The following HAPLN1 variants were observed in gnomAD, a reference collection of about 807,000 sequenced individuals.
HAPLN1 encodes the protein hyaluronan and proteoglycan link protein 1, also known as Cartilage link protein.
Under a neutral mutation model 36.5 loss-of-function variants are expected in HAPLN1, and 13 were observed. That is an observed-to-expected ratio of 0.36 (90% CI 0.23 to 0.57). The LOEUF is 0.57. HAPLN1 is among the 20% of genes least tolerant of loss of function. The pLI is 0.83. For synonymous variants in HAPLN1, 202 were observed against 169.8 expected, an observed-to-expected ratio of 1.19 and a Z score of -1.48; for missense variants, 407 against 439.7, an observed-to-expected ratio of 0.93 and a Z score of 0.66.
rs137967710 is a variant in HAPLN1 at position 83,669,644 on chromosome 5, C to T, written c.100+3780G>A. Among the ~76,000 whole-genome samples, 640 of 152,220 alleles carry T rather than the reference C, an allele frequency of 4.2e-3. 8 individuals carry two copies. The highest frequency in any genetic ancestry group is 0.015 in the African/African-American group (612 of 41,538). On this transcript the variant is annotated intron_variant, in intron 2 of 4. Transcript: ENST00000274341. ...ATGATATGTTCTGTTAACAAATGTACTTTGAAAAGCATGAATTTTTTTGAC... is the reference window on the plus strand; with the variant it reads ...ATGATATGTTCTGTTAACAAATGTATTTTGAAAAGCATGAATTTTTTTGAC...
Position 83,640,104 on chromosome 5 carries a change from G to A in HAPLN1, c.*1392C>T, listed in dbSNP as rs1749637405. 1 of 152,096 alleles carries A rather than the reference G, an allele frequency of 6.6e-6. No individual in the cohort carries two copies. Among genetic ancestry groups the A allele is most frequent in the South Asian group, 2.1e-4 (1 of 4,826 alleles). 9.4% of individuals were successfully genotyped at this position (152,096 alleles called of 1,614,324 possible). A position where few individuals can be genotyped will look rare whatever the true frequency, so the allele number is the denominator to read the frequency against. ...TTATTATAGTAAATCCCATTTATTA[G>A]AACTCATTGTGAAACAATGGGAAAC... On this transcript the variant is annotated 3_prime_UTR_variant, in exon 5 of 5. Transcript: ENST00000274341.
At position 83,644,530 on chromosome 5, in the gene HAPLN1, TCCAGCCCGCCCCG is replaced by T; in HGVS notation, c.595_607del (p.Arg199ThrfsTer62). ...ACTGAGCCAGCCGGCATTGCACCAG[TCCAGCCCGCCCCG>T]CCAGGCGTCGTACAGCTGGTCGAAG... On this transcript the variant is annotated frameshift_variant, in exon 4 of 5. Coordinates refer to ENST00000274341, the MANE Select transcript of HAPLN1 (RefSeq NM_001884.4). LOFTEE classifies it high-confidence loss of function. 6.2e-7 allele frequency: 1 copy of T among 1,611,362 alleles called. No individual in the cohort carries two copies. Among genetic ancestry groups the T allele is most frequent in the Non-Finnish European group, 8.5e-7 (1 of 1,178,750 alleles).
intron 1 of HAPLN1, among the ~76,000 whole-genome samples, chr5:83,702,988 A>G (rs1379227635): frequency 3.9e-5 from 6 of 152,222 alleles, no homozygotes. Flanking sequence ...CTGGGATTGC[A>G]GGTGTGAACC....
chr5:83,660,694 C>T (rs948057562), intron 2 of HAPLN1, among the ~76,000 whole-genome samples: 10 of 152,024 alleles, frequency 6.6e-5, no homozygotes, highest in Non-Finnish European at 1.2e-4. Flanking sequence ...TTGTTTGTGG[C>T]TTCTGCCTTT....
Position 83,652,805 on chromosome 5 carries a change from T to C in HAPLN1, c.120A>G (p.Leu40=). ...IHIQAENGPH[L]LVEAEQAKVF... ...CCTTGGCTTGCTCTGCTTCCACAAG[T>C]AGATGGGGGCCATTTTCTGCTATAA... Residue 40 remains leucine (L), a synonymous_variant, in exon 3 of 5, where the codon CTA becomes CTG. Coordinates refer to ENST00000274341, the MANE Select transcript of HAPLN1 (RefSeq NM_001884.4). 2 of 1,586,322 alleles carry C rather than the reference T, an allele frequency of 1.3e-6. No individual in the cohort carries two copies. The highest frequency in any genetic ancestry group is 1.7e-6 in the Non-Finnish European group (2 of 1,162,732).
At position 83,641,618 on chromosome 5, in the gene HAPLN1, G is replaced by C; in HGVS notation, c.943C>G (p.Arg315Gly). The change falls in exon 5 of 5, where the codon CGC becomes GGC. Residue 315 changes from arginine to glycine, a missense_variant. Physicochemically the swap from Arg to Gly is moderately radical, Grantham distance 125 (BLOSUM62 -2). Transcript: ENST00000274341. The part of the protein sequence containing the change: ...DAGWLADGSV[R>G]YPISRPRRRC... ...CTTCTTGGCCTAGAGATGGGGTAGC[G>C]GACGCTGCCATCCGCCAACCAGCCC... 1.2e-6 allele frequency: 2 copies of C among 1,614,154 alleles called. No homozygotes were observed. Among genetic ancestry groups the C allele is most frequent in the Non-Finnish European group, 1.7e-6 (2 of 1,180,038 alleles).
intron 1 of HAPLN1, among the ~76,000 whole-genome samples, chr5:83,706,793 C>A (rs1347314411): frequency 6.6e-6 from 1 of 152,204 alleles, no homozygotes; most frequent in Admixed American, 6.5e-5. Context: ...GTCAAATTAT[C>A]TCTGTTTGCA....
At chr5:83,693,700 A>G (rs1359886144) in intron 1 of HAPLN1, among the ~76,000 whole-genome samples, 3 of 152,062 alleles carry the variant, frequency 2.0e-5, no homozygotes, top group East Asian at 1.9e-4. Context: ...CAGACAAAAT[A>G]GATTTCAGGA....
At chr5:83,680,743 C>A (rs905778886) in intron 1 of HAPLN1, among the ~76,000 whole-genome samples, 2 of 152,230 alleles carry the variant, frequency 1.3e-5, no homozygotes, top group East Asian at 3.9e-4. Flanking sequence ...AAAAACTAGA[C>A]AACCAATATG....
intron 1 of HAPLN1, among the ~76,000 whole-genome samples, chr5:83,714,224 C>T (rs1428010717): frequency 1.3e-5 from 2 of 152,024 alleles, no homozygotes; most frequent in African/African-American, 4.8e-5. Context: ...TGGAAAGACA[C>T]GAAAGGAAAT....
chr5:83,650,591 G>T (rs1233628360), intron 3 of HAPLN1, among the ~76,000 whole-genome samples: 3 of 150,866 alleles, frequency 2.0e-5, no homozygotes, highest in Non-Finnish European at 3.0e-5. Context: ...AGAGTCTGGA[G>T]ATTTGCAATG....
At chr5:83,672,517 G>A (rs1027661888) in intron 2 of HAPLN1, among the ~76,000 whole-genome samples, 17 of 152,244 alleles carry the variant, frequency 1.1e-4, no homozygotes, top group East Asian at 1.9e-4. Flanking sequence ...GTCATAATAC[G>A]TACAGGAAAA....
intron 1 of HAPLN1, among the ~76,000 whole-genome samples, chr5:83,688,779 CGGT>C: frequency 1.4e-5 from 2 of 146,620 alleles, no homozygotes; most frequent in East Asian, 4.1e-4. Context: ...TTCAGGGAAA[CGGT>C]GGACAGAAAA....
chr5:83,701,928 A>G (rs574156133), intron 1 of HAPLN1, among the ~76,000 whole-genome samples: 3 of 27,832 alleles, frequency 1.1e-4, no homozygotes, highest in African/African-American at 2.8e-4. Flanking sequence ...TTCGACAAAA[A>G]CACACACACA....
Position 83,652,844 on chromosome 5 carries a change from A to T in HAPLN1, c.101-20T>A, listed in dbSNP as rs185835624. On this transcript the variant is annotated intron_variant, in intron 2 of 4. Coordinates refer to ENST00000274341, the MANE Select transcript of HAPLN1 (RefSeq NM_001884.4). ...TTTCTGCTATAATTAAAAAGGAAAA[A>T]AAAAAGAAAATAACTATTAATATAC... 9 of 1,542,140 alleles carry T rather than the reference A, an allele frequency of 5.8e-6. No homozygotes were observed. In the Admixed American group the frequency reaches 1.3e-4, roughly 22 times the overall value.
chr5:83,644,665 C>A lies in HAPLN1; in HGVS notation c.473G>T (p.Gly158Val). ...TCGTGGAAAGTAAGGGAATACCACA[C>A]CTGTCCAAAGGAGAAAGCAAGGAGT... ...DTVVVALDLQGVVFPYFPRLG... is the reference protein window; with the variant it reads ...DTVVVALDLQVVVFPYFPRLG... The change falls in exon 4 of 5, where the codon GGT (glycine) becomes GTT (valine). Residue 158 changes from glycine to valine, a missense_variant and splice_region_variant. Physicochemically the swap from Gly to Val is moderately radical, Grantham distance 109 (BLOSUM62 -3). Transcript: ENST00000274341. The A allele has an allele frequency of 6.9e-7, 1 of 1,447,770 alleles. No individual in the cohort carries two copies. The highest frequency in any genetic ancestry group is 9.1e-7 in the Non-Finnish European group (1 of 1,095,418). The allele number at this position is 1,447,770 out of a possible 1,614,324, so 89.7% of individuals were successfully genotyped here. A position where few individuals can be genotyped will look rare whatever the true frequency, so the allele number is the denominator to read the frequency against.
intron 2 of HAPLN1, among the ~76,000 whole-genome samples, chr5:83,663,703 C>T (rs1235865156): frequency 1.3e-5 from 2 of 152,104 alleles, no homozygotes; most frequent in East Asian, 1.9e-4. Flanking sequence ...ATCCATCCTT[C>T]GGTTCATGCC....
chr5:83,647,734 C>T (rs1749914354), intron 3 of HAPLN1, among the ~76,000 whole-genome samples: 1 of 152,100 alleles, frequency 6.6e-6, no homozygotes, highest in Admixed American at 6.6e-5. Flanking sequence ...CTAATTTATC[C>T]TCCATACTTA....
At chr5:83,645,562 C>T (rs748355038) in intron 3 of HAPLN1, among the ~76,000 whole-genome samples, 7 of 140,974 alleles carry the variant, frequency 5.0e-5, no homozygotes, top group Middle Eastern at 3.9e-3. Flanking sequence ...CCAATGTGGC[C>T]GAGGAAAGCC....
Sources: allele counts gnomAD v4.1 joint callset (sites outside exome capture counted in the v4.1 genomes callset), GRCh38; gene constraint gnomAD v4.1.1; transcripts MANE v1.5; gene names NCBI Gene and HGNC (gene_info 2026-07-23, HGNC 2026-07-21).